Variants in ACSM2A observed in about 807,000 individuals in gnomAD.
The protein encoded by ACSM2A is acyl-coenzyme A synthetase ACSM2A, mitochondrial.
ACSM2A carries 72 observed loss-of-function variants against 76.6 expected under a neutral mutation model. That is an observed-to-expected ratio of 0.94 (90% CI 0.78 to 1.14). The LOEUF is 1.14. ACSM2A is among the 50% of genes most tolerant of loss of function. The pLI is 0.00. For synonymous variants in ACSM2A, 249 were observed against 255.9 expected, an observed-to-expected ratio of 0.97 and a Z score of 0.26; for missense variants, 684 against 708.5, an observed-to-expected ratio of 0.97 and a Z score of 0.39.
At chr16:20,456,833 A>C (rs1242939560) in intron 1 of ACSM2A, among the ~76,000 whole-genome samples, 1 of 151,344 alleles carries the variant, frequency 6.6e-6, no homozygotes, top group African/African-American at 2.4e-5. Context: ...TGAGATAAAA[A>C]AATACAAAAG....
intron 13 of ACSM2A, among the ~76,000 whole-genome samples, chr16:20,485,357 T>C (rs1313496870): frequency 3.3e-5 from 5 of 152,170 alleles, no homozygotes; most frequent in East Asian, 1.9e-4. Flanking sequence ...TATTTGCACC[T>C]TCCCCCTCCT....
chr16:20,470,686 T>C (rs1417191848), intron 4 of ACSM2A: 36 of 408,892 alleles, frequency 8.8e-5, no homozygotes, highest in South Asian at 6.7e-4. Flanking sequence ...ACCCCTCCTG[T>C]CCACTTGGTG....
chr16:20,467,911 C>T (rs1417571677), intron 3 of ACSM2A, among the ~76,000 whole-genome samples: 1 of 151,980 alleles, frequency 6.6e-6, no homozygotes, highest in African/African-American at 2.4e-5. Context: ...ACAAACTGCC[C>T]TTTCCACCTC....
rs140251235 is a variant in ACSM2A, at chr16:20,480,848, A to C, written c.1436A>C (p.Glu479Ala). 2 of 1,613,814 alleles carry C rather than the reference A, an allele frequency of 1.2e-6. No homozygotes were observed. Among genetic ancestry groups the C allele is most frequent in the African/African-American group, 2.7e-5 (2 of 74,898 alleles). ...TACCGGATTGGACCCTCGGAGGTAGAGAATGCACTGATGGAGCACCCTGCT... is the reference window on the plus strand; with the variant it reads ...TACCGGATTGGACCCTCGGAGGTAGCGAATGCACTGATGGAGCACCCTGCT... ...SGYRIGPSEV[E>A]NALMEHPAVV... is the part of the protein sequence containing the mutation. The change falls in exon 12 of 14, where the codon GAG (glutamate) becomes GCG (alanine). Residue 479 changes from glutamate to alanine, a missense_variant. Around this residue, in one of 3 missense-constraint regions of ACSM2A, gnomAD observed 159 missense variants for 132.5 expected, o/e 1.20. Transcript: ENST00000573854.
chr16:20,453,533 G>T (rs2011918713), intron 1 of ACSM2A: 1 of 132,026 alleles, frequency 7.6e-6, no homozygotes, highest in African/African-American at 3.0e-5. Flanking sequence ...TGCACAAATG[G>T]ATTGTAAAAC....
At chr16:20,471,755 T>C (rs930403421) in intron 6 of ACSM2A, 66 bp downstream of exon 6, 4 of 1,556,046 alleles carry the variant, frequency 2.6e-6, no homozygotes, top group African/African-American at 2.7e-5. Flanking sequence ...CTTCAATTTA[T>C]TGTAGTTTGT....
At chr16:20,477,024 C>T (rs1596670243) in intron 8 of ACSM2A, 1 of 215,918 alleles carries the variant, frequency 4.6e-6, no homozygotes. Context: ...TATTTTAGGC[C>T]TTACAGATTG....
chr16:20,469,437 T>G lies in ACSM2A; in HGVS notation c.389-75T>G, dbSNP rs1228443318. 1.9e-6 allele frequency: 3 copies of G among 1,596,210 alleles called. No individual in the cohort carries two copies. In the Admixed American group the frequency reaches 5.2e-5, roughly 27 times the overall value. ...TCTCCTTCCCCACTTGCTCGCTGCT[T>G]GATGTTTATCTCAGGCTTCTCTAGG... On this transcript the variant is annotated intron_variant, in intron 3 of 13. Coordinates refer to ENST00000573854, the MANE Select transcript of ACSM2A (RefSeq NM_001308172.2).
At chr16:20,477,097 T>C (rs1021820362) in intron 8 of ACSM2A, 1 of 415,662 alleles carries the variant, frequency 2.4e-6, no homozygotes, top group African/African-American at 2.1e-5. Flanking sequence ...TATTAAAATG[T>C]GGTTCCCCCT....
At chr16:20,474,549 A>T (rs1380420578) in intron 6 of ACSM2A, among the ~76,000 whole-genome samples, 1 of 152,204 alleles carries the variant, frequency 6.6e-6, no homozygotes, top group Non-Finnish European at 1.5e-5. Flanking sequence ...TTTTCTTCAT[A>T]AATTACTCAG....
At chr16:20,471,369 T>C (rs1205142664) in intron 5 of ACSM2A, among the ~76,000 whole-genome samples, 153 bp downstream of exon 5, 1 of 150,232 alleles carries the variant, frequency 6.7e-6, no homozygotes, top group Non-Finnish European at 1.5e-5. Context: ...TAGAACAACT[T>C]TTCTTCCCCC....
chr16:20,459,090 G>A (rs1252577483), intron 1 of ACSM2A, among the ~76,000 whole-genome samples: 2 of 151,514 alleles, frequency 1.3e-5, no homozygotes, highest in African/African-American at 2.4e-5. Context: ...GTGGGAGCTA[G>A]GGTATACATT....
intron 8 of ACSM2A, chr16:20,476,684 C>T: frequency 1.0e-6 from 1 of 990,122 alleles, no homozygotes; most frequent in South Asian, 4.7e-5. Context: ...TTGCCCTTTC[C>T]AGCACAGTGG....
At chr16:20,458,186 T>G (rs2141685496) in intron 1 of ACSM2A, among the ~76,000 whole-genome samples, 1 of 151,618 alleles carries the variant, frequency 6.6e-6, no homozygotes, top group Non-Finnish European at 1.5e-5. Flanking sequence ...CATCCTATGC[T>G]CATGGATGGG....
chr16:20,476,563 G>C, intron 8 of ACSM2A: 5 of 985,348 alleles, frequency 5.1e-6, no homozygotes, highest in Non-Finnish European at 6.0e-6. Flanking sequence ...ACCCTGGCAG[G>C]GGCCTCCCAC....
intron 1 of ACSM2A, among the ~76,000 whole-genome samples, chr16:20,457,183 A>G (rs7185972): frequency 1.3e-5 from 2 of 151,786 alleles, no homozygotes; most frequent in Non-Finnish European, 3.0e-5. Context: ...CAACAACAAC[A>G]ACGACAACAA....
chr16:20,475,887 A>G, intron 8 of ACSM2A, 114 bp downstream of exon 8: 2 of 1,547,570 alleles, frequency 1.3e-6, no homozygotes. Flanking sequence ...AGAAGTATTT[A>G]TTGAGCCTCT....
chr16:20,480,012 T>C (rs945597236), intron 10 of ACSM2A, among the ~76,000 whole-genome samples: 6 of 152,226 alleles, frequency 3.9e-5, no homozygotes, highest in Non-Finnish European at 5.9e-5. Context: ...CATGCCCCTA[T>C]ACCTGAGTCA....
intron 3 of ACSM2A, among the ~76,000 whole-genome samples, chr16:20,466,695 C>T (rs777893447): frequency 1.3e-5 from 2 of 152,208 alleles, no homozygotes; most frequent in Non-Finnish European, 2.9e-5. Context: ...GATCACAGAA[C>T]TAGTTGAGTT....
Sources: gnomAD v4.1 joint callset for allele counts (sites outside exome capture counted in the v4.1 genomes callset) on GRCh38, gnomAD v4.1.1 for gene constraint, gnomAD v4.1.1 regional missense constraint, MANE v1.5 for transcripts, NCBI Gene and HGNC (gene_info 2026-07-23, HGNC 2026-07-21) for gene names.